Variants in RPS6KC1 observed in about 807,000 individuals in gnomAD.
The protein encoded by RPS6KC1 is ribosomal protein S6 kinase C1, also known as inactive ribosomal protein S6 kinase delta-1.
A neutral mutation model predicts 103.8 loss-of-function variants in RPS6KC1; 54 were observed. That is an observed-to-expected ratio of 0.52 (90% CI 0.42 to 0.65). The LOEUF is 0.65. Among genes scored for constraint, RPS6KC1 ranks in the 30% least tolerant of loss-of-function variants. The pLI is 0.00. For missense variants in RPS6KC1, 1,151 were observed against 1,253.8 expected, an observed-to-expected ratio of 0.92 and a Z score of 1.24; for synonymous variants, 439 against 438.7, an observed-to-expected ratio of 1.00 and a Z score of -0.01.
At chr1:213,570,092 G>A in the RPS6KC1 span, among the ~76,000 whole-genome samples, 1 of 152,198 alleles carries the variant, frequency 6.6e-6, no homozygotes, top group Non-Finnish European at 1.5e-5. Flanking sequence ...CTGTTCAAAC[G>A]CTGGAGACTT....
chr1:213,328,503 ACTATATAT>A, the RPS6KC1 span, among the ~76,000 whole-genome samples: 8 of 31,772 alleles, frequency 2.5e-4, no homozygotes, highest in African/African-American at 5.2e-4. Flanking sequence ...CAGCCATTAT[ACTATATAT>A]ATATATATAT....
chr1:213,628,265 A>T, the RPS6KC1 span, among the ~76,000 whole-genome samples: 1 of 152,074 alleles, frequency 6.6e-6, no homozygotes, highest in Non-Finnish European at 1.5e-5. Flanking sequence ...ATCGGAGGTG[A>T]TGTCCCCTTT....
intron 12 of RPS6KC1, among the ~76,000 whole-genome samples, chr1:213,244,391 C>T (rs1297249577): frequency 6.6e-6 from 1 of 152,056 alleles, no homozygotes; most frequent in Non-Finnish European, 1.5e-5. Flanking sequence ...TATAACAAAA[C>T]AAAACCACAC....
At chr1:213,503,566 A>G in the RPS6KC1 span, among the ~76,000 whole-genome samples, 1 of 152,194 alleles carries the variant, frequency 6.6e-6, no homozygotes, top group Non-Finnish European at 1.5e-5. Context: ...TTCTCACATC[A>G]TTGTTCTACA....
the RPS6KC1 span, among the ~76,000 whole-genome samples, chr1:213,451,110 C>T: frequency 1.3e-5 from 2 of 152,182 alleles, no homozygotes; most frequent in Non-Finnish European, 2.9e-5. Context: ...ATCTAACCCC[C>T]CATTCTGATT....
chr1:213,304,474 C>CT, the RPS6KC1 span, among the ~76,000 whole-genome samples: 1 of 151,532 alleles, frequency 6.6e-6, no homozygotes, highest in African/African-American at 2.4e-5. Context: ...TTCTTTTAGT[C>CT]TTTTTTATGC....
intron 8 of RPS6KC1, among the ~76,000 whole-genome samples, chr1:213,196,879 C>T (rs940812895): frequency 3.9e-5 from 6 of 152,078 alleles, no homozygotes; most frequent in African/African-American, 7.2e-5. Context: ...TCTCGTTGCC[C>T]GGGCTGGGGT....
chr1:213,528,489 T>C, the RPS6KC1 span, among the ~76,000 whole-genome samples: 1 of 152,136 alleles, frequency 6.6e-6, no homozygotes, highest in South Asian at 2.1e-4. Flanking sequence ...ATCAGCTGTG[T>C]TGTTCAAAGG....
At chr1:213,158,178 A>G (rs2090108592) in intron 6 of RPS6KC1, among the ~76,000 whole-genome samples, 1 of 152,232 alleles carries the variant, frequency 6.6e-6, no homozygotes, top group African/African-American at 2.4e-5. Flanking sequence ...GACAATGTAT[A>G]GAATTCAGCC....
the RPS6KC1 span, among the ~76,000 whole-genome samples, chr1:213,630,216 AC>A: frequency 6.6e-6 from 1 of 152,222 alleles, no homozygotes; most frequent in Non-Finnish European, 1.5e-5. Context: ...ACTTTCAGGT[AC>A]ACCAATCAGA....
intron 10 of RPS6KC1, among the ~76,000 whole-genome samples, chr1:213,237,448 C>G (rs1170727977): frequency 6.6e-6 from 1 of 151,802 alleles, no homozygotes; most frequent in East Asian, 1.9e-4. Flanking sequence ...TTGCAAATGG[C>G]TATTATTAAT....
the RPS6KC1 span, among the ~76,000 whole-genome samples, chr1:213,717,213 G>A: frequency 6.6e-6 from 1 of 152,176 alleles, no homozygotes; most frequent in Non-Finnish European, 1.5e-5. Flanking sequence ...ACAGTCCAGT[G>A]GTGATTGATG....
intron 9 of RPS6KC1, 112 bp from the exon 10 acceptor site, chr1:213,232,011 C>T (rs962955371): frequency 4.5e-6 from 6 of 1,347,788 alleles, no homozygotes; most frequent in Non-Finnish European, 6.2e-6. Flanking sequence ...TTCTCTGAAG[C>T]CCAGAGTAAC....
the RPS6KC1 span, among the ~76,000 whole-genome samples, chr1:213,301,657 C>T: frequency 6.6e-6 from 1 of 152,056 alleles, no homozygotes; most frequent in Non-Finnish European, 1.5e-5. Flanking sequence ...TATGATTGCA[C>T]CACTGCACTC....
chr1:213,798,945 G>C, the RPS6KC1 span, among the ~76,000 whole-genome samples: 1 of 152,156 alleles, frequency 6.6e-6, no homozygotes, highest in Non-Finnish European at 1.5e-5. Context: ...GGACTCCATG[G>C]CTGGAGCATA....
At chr1:213,343,440 T>TACACATATACAC in the RPS6KC1 span, among the ~76,000 whole-genome samples, 9 of 80,414 alleles carry the variant, frequency 1.1e-4, no homozygotes, top group African/African-American at 4.5e-4. Flanking sequence ...TATATATATA[T>TACACATATACAC]ACATACCATG....
At chr1:213,313,938 C>T in the RPS6KC1 span, among the ~76,000 whole-genome samples, 2 of 152,072 alleles carry the variant, frequency 1.3e-5, no homozygotes, top group Non-Finnish European at 2.9e-5. Context: ...GGGCGACAGG[C>T]GGAGACTCGA....
At chr1:213,449,556 C>T in the RPS6KC1 span, among the ~76,000 whole-genome samples, 3 of 152,204 alleles carry the variant, frequency 2.0e-5, no homozygotes, top group Non-Finnish European at 2.9e-5. Context: ...CTTATGCCCT[C>T]ATTCAACCTT....
intron 6 of RPS6KC1, among the ~76,000 whole-genome samples, chr1:213,137,792 T>TC (rs2086507148): frequency 1.1e-5 from 1 of 92,060 alleles, no homozygotes. Context: ...TATATATATA[T>TC]ATATATATTT....
Sources: gnomAD v4.1 joint callset for allele counts (sites outside exome capture counted in the v4.1 genomes callset) on GRCh38, gnomAD v4.1.1 for gene constraint, MANE v1.5 for transcripts, NCBI Gene and HGNC (gene_info 2026-07-23, HGNC 2026-07-21) for gene names.